TBXAS1: variants seen among roughly 807,000 people sequenced by gnomAD.
The protein encoded by TBXAS1 is thromboxane-A synthase.
In TBXAS1, 48 loss-of-function variants were observed where a neutral mutation model predicts 60.7. The observed-to-expected ratio is 0.79, with a 90% CI of 0.63 to 1.01. The LOEUF (loss-of-function observed/expected upper bound fraction) is 1.01. Among genes scored for constraint, TBXAS1 ranks in the 50% least tolerant of loss-of-function variants. The pLI is 0.00. For missense variants in TBXAS1, 685 were observed against 686.3 expected (o/e 1.00, Z 0.02); for synonymous variants, 287 against 269.7 (o/e 1.06, Z -0.63).
chr7:139,902,893 T>C (rs1333101793), intron 3 of TBXAS1, among the ~76,000 whole-genome samples: 1 of 152,176 alleles, frequency 6.6e-6, no homozygotes, highest in Non-Finnish European at 1.5e-5. Context: ...TTACTTGGCA[T>C]CTGTATATCC....
At chr7:139,829,248 C>T, upstream of TBXAS1, 1 of 741,516 alleles carries the variant, frequency 1.3e-6, no homozygotes, top group South Asian at 1.5e-5. Flanking sequence ...TGAGAAAGAG[C>T]ACATTGTGGG....
intron 1 of TBXAS1, among the ~76,000 whole-genome samples, chr7:139,845,091 T>C (rs116791903): frequency 6.6e-6 from 1 of 152,180 alleles, no homozygotes; most frequent in Non-Finnish European, 1.5e-5. Flanking sequence ...CCTCTCTCTA[T>C]CTGCTTTGCT....
intron 9 of TBXAS1, among the ~76,000 whole-genome samples, chr7:139,991,103 A>G (rs1322408339): frequency 6.6e-6 from 1 of 152,240 alleles, no homozygotes; most frequent in Admixed American, 6.5e-5. Context: ...CAGAAACCAC[A>G]GAGAGCGTGC....
intron 3 of TBXAS1, among the ~76,000 whole-genome samples, chr7:139,884,706 G>A (rs2299890): frequency 0.43 from 65,656 of 152,006 alleles, 14,287 homozygotes; most frequent in South Asian, 0.56. Flanking sequence ...ACAGTAGTCA[G>A]GCGTCCAGTA....
chr7:139,950,601 G>A (rs1809129220), intron 5 of TBXAS1, among the ~76,000 whole-genome samples: 1 of 152,088 alleles, frequency 6.6e-6, no homozygotes. Context: ...CCCTGCCTTG[G>A]TTACCACCTC....
chr7:139,781,837 CAAAAAAAAAAAA>C (rs200999267), intron 2 of TBXAS1, among the ~76,000 whole-genome samples: 8 of 67,312 alleles, frequency 1.2e-4, no homozygotes, highest in Admixed American at 4.1e-4. Context: ...AATTCCATCT[CAAAAAAAAAAAA>C]AAAAAAAAAA....
chr7:139,967,712 C>A (rs528951659), intron 9 of TBXAS1, among the ~76,000 whole-genome samples: 5 of 152,108 alleles, frequency 3.3e-5, no homozygotes, highest in Non-Finnish European at 7.4e-5. Context: ...AGCTCTCGAG[C>A]GGAGGAGAGG....
Position 139,975,112 on chromosome 7 carries a change from TCA to T in TBXAS1, c.1134+12880_1134+12881del, listed in dbSNP as rs1467112940. Among the ~76,000 whole-genome samples, 1 of 152,178 alleles carries T rather than the reference TCA, an allele frequency of 6.6e-6. No homozygotes were observed. The highest frequency in any genetic ancestry group is 2.4e-5 in the African/African-American group (1 of 41,428). On this transcript the variant is annotated intron_variant, in intron 9 of 12. Coordinates refer to ENST00000448866, the MANE Select transcript of TBXAS1 (RefSeq NM_001061.7). The surrounding 1 kb of genome is among the most constrained non-coding windows in gnomAD (Gnocchi z 4.4). ...AGAATTCTTTCTTCGCCAGAAAACC[TCA>T]GTTTTTGCTCTTACGGCCTTCAACC...
chr7:139,846,149 A>G (rs926634991), intron 1 of TBXAS1, among the ~76,000 whole-genome samples: 5 of 152,224 alleles, frequency 3.3e-5, no homozygotes, highest in African/African-American at 1.2e-4. Context: ...ATTGCTAACC[A>G]AAATCATTGT....
chr7:139,938,708 A>G (rs1356772461), intron 5 of TBXAS1, among the ~76,000 whole-genome samples: 1 of 152,336 alleles, frequency 6.6e-6, no homozygotes, highest in East Asian at 1.9e-4. Context: ...TCACTAGCGT[A>G]TATGTCTGTA....
At chr7:139,953,819 G>A (rs1569518750) in intron 6 of TBXAS1, among the ~76,000 whole-genome samples, 1 of 152,148 alleles carries the variant, frequency 6.6e-6, no homozygotes, top group South Asian at 2.1e-4. Context: ...ATAATTTAGT[G>A]GTGGACACCA....
chr7:139,793,309 A>G (rs1473841902), intron 4 of TBXAS1, among the ~76,000 whole-genome samples: 1 of 152,072 alleles, frequency 6.6e-6, no homozygotes, highest in Non-Finnish European at 1.5e-5. Flanking sequence ...AGTCCCAGCT[A>G]CTCAAGAGGC....
At chr7:139,988,328 C>G (rs1569523045) in intron 9 of TBXAS1, among the ~76,000 whole-genome samples, 1 of 152,252 alleles carries the variant, frequency 6.6e-6, no homozygotes. Flanking sequence ...CTCCACCTGC[C>G]CCGTCAAGGC....
intron 1 of TBXAS1, among the ~76,000 whole-genome samples, chr7:139,832,273 T>C (rs999450728): frequency 3.3e-5 from 5 of 151,914 alleles, no homozygotes; most frequent in African/African-American, 9.7e-5. Context: ...GAAAAAACAA[T>C]AGAAAATTCA....
chr7:139,840,417 A>G (rs1442744877), intron 1 of TBXAS1, among the ~76,000 whole-genome samples: 3 of 152,224 alleles, frequency 2.0e-5, no homozygotes, highest in African/African-American at 7.2e-5. Flanking sequence ...AATTAAGTCT[A>G]AATCAAGCCC....
At chr7:139,886,386 ATTTT>A (rs8192818) in intron 3 of TBXAS1, among the ~76,000 whole-genome samples, 59 of 99,630 alleles carry the variant, frequency 5.9e-4, no homozygotes, top group African/African-American at 2.2e-3. Context: ...TTGCAGATGA[ATTTT>A]TTTTTTTTTT....
At chr7:139,951,951 A>AAAAGAAAGAAAG (rs1569518389) in intron 5 of TBXAS1, among the ~76,000 whole-genome samples, 1 of 45,420 alleles carries the variant, frequency 2.2e-5, no homozygotes, top group South Asian at 8.9e-4. Flanking sequence ...GAAAGAAAGA[A>AAAAGAAAGAAAG]AAGAAAGAAA....
In TBXAS1 at chr7:140,004,815, T is replaced by C. The variant is rs1217387065; in HGVS notation, c.1135-2276T>C. 1.3e-5 allele frequency among the ~76,000 whole-genome samples: 2 copies of C among 152,162 alleles called. No individual in the cohort carries two copies. The highest frequency in any genetic ancestry group is 2.9e-5 in the Non-Finnish European group (2 of 68,032). On this transcript the variant is annotated intron_variant, in intron 9 of 12. Coordinates refer to ENST00000448866, the MANE Select transcript of TBXAS1 (RefSeq NM_001061.7). The surrounding 1 kb of genome is among the most constrained non-coding windows in gnomAD (Gnocchi z 5.1). ...TCTGTGCTATGACACCCTCAGTACC[T>C]GGGCTAGGGGTGGGCAGAGGTTTGC...
At chr7:139,948,864 T>C (rs1042281987) in intron 5 of TBXAS1, among the ~76,000 whole-genome samples, 1 of 152,242 alleles carries the variant, frequency 6.6e-6, no homozygotes, top group African/African-American at 2.4e-5. Context: ...AACTGCTGTG[T>C]AAAATGCAAG....
Sources: allele counts gnomAD v4.1 joint callset (sites outside exome capture counted in the v4.1 genomes callset), GRCh38; gene constraint gnomAD v4.1.1; non-coding constraint Gnocchi (gnomAD v3.1); transcripts MANE v1.5; gene names NCBI Gene and HGNC (gene_info 2026-07-23, HGNC 2026-07-21).